ENTPD3: variants seen among roughly 807,000 people sequenced by gnomAD.
ENTPD3 encodes ectonucleoside triphosphate diphosphohydrolase 3.
ENTPD3 carries 60 observed loss-of-function variants against 51.2 expected under a neutral mutation model. That is an observed-to-expected ratio of 1.17 (90% CI 0.95 to 1.45). The LOEUF is 1.45. Among genes scored for constraint, ENTPD3 ranks in the 40% most tolerant of loss-of-function variants. The probability of loss-of-function intolerance (pLI) is 0.00; values close to 1 mark genes in which losing one functional copy is unlikely to be tolerated. For synonymous variants in ENTPD3, 221 were observed against 238.4 expected (o/e 0.93, Z 0.67); for missense variants, 593 against 641.1 (o/e 0.93, Z 0.81).
At chr3:40,423,444 T>A in intron 9 of ENTPD3, 43 bp downstream of exon 9, 1 of 1,320,460 alleles carries the variant, frequency 7.6e-7, no homozygotes, top group Non-Finnish European at 1.1e-6. Context: ...TACAAAAAAA[T>A]ATGGTAGAAT....
chr3:40,408,665 T>G (rs540705298), intron 4 of ENTPD3, among the ~76,000 whole-genome samples: 19 of 152,356 alleles, frequency 1.2e-4, no homozygotes, highest in Non-Finnish European at 2.4e-4. Flanking sequence ...GAGAGAATTG[T>G]GTGTCTTTTT....
intron 4 of ENTPD3, among the ~76,000 whole-genome samples, chr3:40,409,208 T>C (rs1353739530): frequency 3.3e-5 from 5 of 151,948 alleles, no homozygotes; most frequent in Non-Finnish European, 7.4e-5. Flanking sequence ...GCCGAGATCA[T>C]GCCATTGCAC....
chr3:40,419,441 G>T (rs1955815815), intron 7 of ENTPD3, among the ~76,000 whole-genome samples: 1 of 151,852 alleles, frequency 6.6e-6, no homozygotes, highest in Non-Finnish European at 1.5e-5. Flanking sequence ...TCTATTTTGG[G>T]GCCAATATCA....
Position 40,411,810 on chromosome 3 carries a change from A to C in ENTPD3, c.287-2A>C. 6.4e-7 allele frequency: 1 copy of C among 1,567,998 alleles called. No homozygotes were observed. Among genetic ancestry groups the C allele is most frequent in the East Asian group, 2.4e-5 (1 of 42,422 alleles). On this transcript the variant is annotated splice_acceptor_variant, in intron 4 of 10. Coordinates refer to ENST00000301825, the MANE Select transcript of ENTPD3 (RefSeq NM_001248.4). LOFTEE classifies it high-confidence loss of function. ...GACAGATGCTGACTGCTTGCTTTTCAGGCTCTGGAATCTCCAGCTATGGAA... is the reference window on the plus strand; with the variant it reads ...GACAGATGCTGACTGCTTGCTTTTCCGGCTCTGGAATCTCCAGCTATGGAA...
At chr3:40,418,836 GTGT>G (rs1955801196) in intron 7 of ENTPD3, among the ~76,000 whole-genome samples, 1 of 151,834 alleles carries the variant, frequency 6.6e-6, no homozygotes, top group Non-Finnish European at 1.5e-5. Flanking sequence ...TCATTTTCCT[GTGT>G]TGTTAATGTC....
chr3:40,414,582 G>A, intron 5 of ENTPD3, 99 bp from the exon 6 acceptor site: 1 of 1,282,572 alleles, frequency 7.8e-7, no homozygotes, highest in Middle Eastern at 1.9e-4. Flanking sequence ...CCCACCAGCA[G>A]GGAGACGGTG....
At chr3:40,387,890 C>T in intron 1 of ENTPD3, 156 bp from the exon 2 acceptor site, 3 of 585,180 alleles carry the variant, frequency 5.1e-6, no homozygotes, top group Admixed American at 5.8e-5. Context: ...AGCTTTGGGG[C>T]TGTCTCTGAA....
chr3:40,427,619 A>C lies in ENTPD3; in HGVS notation c.*111A>C. ...AGGAAATACAACTAACTAAAATCAA[A>C]CACCTAGGTCACGTGCCTCTCAAAT... On this transcript the variant is annotated 3_prime_UTR_variant, in exon 11 of 11. Coordinates refer to ENST00000301825, the MANE Select transcript of ENTPD3 (RefSeq NM_001248.4). 2 of 777,342 alleles carry C rather than the reference A, an allele frequency of 2.6e-6. No individual in the cohort carries two copies. Among genetic ancestry groups the C allele is most frequent in the Non-Finnish European group, 2.2e-6 (1 of 454,234 alleles). 48.2% of individuals were successfully genotyped at this position (777,342 alleles called of 1,614,324 possible). A position where few individuals can be genotyped will look rare whatever the true frequency, so the allele number is the denominator to read the frequency against.
chr3:40,402,820 T>C (rs1320653098), intron 4 of ENTPD3, among the ~76,000 whole-genome samples: 1 of 152,234 alleles, frequency 6.6e-6, no homozygotes, highest in East Asian at 1.9e-4. Context: ...CCTTTTTCTA[T>C]GAAAAGTGTT....
intron 2 of ENTPD3, among the ~76,000 whole-genome samples, chr3:40,390,421 C>T (rs184218888): frequency 6.8e-4 from 104 of 152,222 alleles, no homozygotes; most frequent in African/African-American, 1.0e-3. Flanking sequence ...TGGCATCTAA[C>T]GCCTGGCCTC....
chr3:40,388,018 C>G (rs751049242), intron 1 of ENTPD3, 28 bp from the exon 2 acceptor site: 2 of 1,603,066 alleles, frequency 1.2e-6, no homozygotes, highest in South Asian at 1.1e-5. Flanking sequence ...GGTGGACTTA[C>G]TGACATCCTG....
At chr3:40,412,171 C>G (rs1955651029) in intron 5 of ENTPD3, among the ~76,000 whole-genome samples, 1 of 152,144 alleles carries the variant, frequency 6.6e-6, no homozygotes, top group African/African-American at 2.4e-5. Context: ...AATTGTTTCC[C>G]TCTCCCTTGG....
intron 7 of ENTPD3, among the ~76,000 whole-genome samples, chr3:40,419,277 A>T (rs1480721728): frequency 2.6e-5 from 4 of 152,196 alleles, no homozygotes; most frequent in Non-Finnish European, 5.9e-5. Flanking sequence ...ATGAACAAAT[A>T]GGTAATCTTC....
At chr3:40,401,614 C>A (rs1955359152) in intron 4 of ENTPD3, among the ~76,000 whole-genome samples, 1 of 152,194 alleles carries the variant, frequency 6.6e-6, no homozygotes, top group African/African-American at 2.4e-5. Flanking sequence ...GCGAGGCAGA[C>A]AGAGAATGAC....
At position 40,392,006 on chromosome 3, in the gene ENTPD3, G is replaced by T. The variant is rs1955068772; in HGVS notation, c.41-17G>T. 6.2e-7 allele frequency: 1 copy of T among 1,613,644 alleles called. No homozygotes were observed. Among genetic ancestry groups the T allele is most frequent in the Admixed American group, 1.7e-5 (1 of 59,998 alleles). On this transcript the variant is annotated splice_polypyrimidine_tract_variant and intron_variant, in intron 2 of 10. Coordinates refer to ENST00000301825, the MANE Select transcript of ENTPD3 (RefSeq NM_001248.4). Reference sequence around the variant, plus strand: ...TTTACCTCCCCCTCAAGTGTCTTCTGGGTCTTCTCATTTTAGGCCTCAAGG... The same window carrying T: ...TTTACCTCCCCCTCAAGTGTCTTCTTGGTCTTCTCATTTTAGGCCTCAAGG...
chr3:40,410,013 A>G (rs1024527785), intron 4 of ENTPD3, among the ~76,000 whole-genome samples: 1 of 152,258 alleles, frequency 6.6e-6, no homozygotes, highest in African/African-American at 2.4e-5. Flanking sequence ...ACTTACAGGA[A>G]GAGGAGACAA....
At position 40,416,037 on chromosome 3, in the gene ENTPD3, T is replaced by C; in HGVS notation, c.795T>C (p.Asn265=). 1 of 1,614,024 alleles carries C rather than the reference T, an allele frequency of 6.2e-7. No homozygotes were observed. Among genetic ancestry groups the C allele is most frequent in the East Asian group, 2.2e-5 (1 of 44,864 alleles). Residue 265 remains asparagine, a synonymous_variant, in exon 7 of 11, where the codon AAT becomes AAC. Transcript: ENST00000301825. ...YTHSFQCYGR[N]EAEKKFLAML... is the part of the protein sequence containing the mutation. The stretch of plus-strand genomic sequence containing the variant: ...ACAGCTTCCAGTGCTATGGCCGGAA[T>C]GAGGCTGAGAAGAAGTTTCTGGCAA...
At chr3:40,418,030 CA>C (rs1479009941) in intron 7 of ENTPD3, among the ~76,000 whole-genome samples, 4 of 152,112 alleles carry the variant, frequency 2.6e-5, no homozygotes, top group Admixed American at 2.6e-4. Flanking sequence ...TCTATGTATC[CA>C]GCAGTCCACA....
intron 2 of ENTPD3, among the ~76,000 whole-genome samples, chr3:40,388,809 G>A (rs1954998860): frequency 6.6e-6 from 1 of 152,152 alleles, no homozygotes; most frequent in Admixed American, 6.5e-5. Flanking sequence ...CATCCATTTT[G>A]CTTTGTAATA....
Sources: allele counts gnomAD v4.1 joint callset (sites outside exome capture counted in the v4.1 genomes callset), GRCh38; gene constraint gnomAD v4.1.1; transcripts MANE v1.5; gene names NCBI Gene and HGNC (gene_info 2026-07-23, HGNC 2026-07-21).